Variants in TNFAIP8 observed in about 807,000 individuals in gnomAD.
TNFAIP8 encodes the protein tumor necrosis factor alpha-induced protein 8.
A neutral mutation model predicts 13.3 loss-of-function variants in TNFAIP8; 7 were observed. The ratio of observed to expected loss-of-function variants is 0.52; its 90% CI spans 0.30 to 0.99. The LOEUF (loss-of-function observed/expected upper bound fraction) is 0.99, where lower values mean the gene tolerates loss of function less well. Ranked by LOEUF, TNFAIP8 falls within the 50% of genes least tolerant of loss-of-function variation. The probability of loss-of-function intolerance (pLI) is 0.07; values close to 1 mark genes in which losing one functional copy is unlikely to be tolerated. For synonymous variants in TNFAIP8, 94 were observed against 87.6 expected (o/e 1.07, Z -0.41); for missense variants, 258 against 236.9 (o/e 1.09, Z -0.58).
At chr5:119,302,069 C>T (rs186422886) in intron 1 of TNFAIP8, among the ~76,000 whole-genome samples, 14 of 152,308 alleles carry the variant, frequency 9.2e-5, no homozygotes, top group Admixed American at 5.2e-4. Context: ...GTCCCCATCT[C>T]TTAGCAAATA....
At chr5:119,309,632 C>T (rs758169467) in intron 1 of TNFAIP8, among the ~76,000 whole-genome samples, 4 of 152,164 alleles carry the variant, frequency 2.6e-5, no homozygotes, top group Non-Finnish European at 4.4e-5. Context: ...ATCGAAGCAT[C>T]GGTGTTCAGA....
chr5:119,355,454 GCT>G (rs1751353317), upstream of TNFAIP8: 10 of 675,116 alleles, frequency 1.5e-5, no homozygotes, highest in South Asian at 9.2e-5. Context: ...GTGAAATTGT[GCT>G]CTCTTAAGCT....
At chr5:119,293,482 A>G (rs921258359) in intron 1 of TNFAIP8, among the ~76,000 whole-genome samples, 5 of 152,106 alleles carry the variant, frequency 3.3e-5, no homozygotes, top group Non-Finnish European at 7.4e-5. Flanking sequence ...CACTTAATAT[A>G]ATGTTCTCCA....
At chr5:119,300,488 C>T (rs1453895533) in intron 1 of TNFAIP8, among the ~76,000 whole-genome samples, 1 of 152,096 alleles carries the variant, frequency 6.6e-6, no homozygotes, top group East Asian at 1.9e-4. Context: ...TTTTGCATGT[C>T]CTTGCAACTT....
chr5:119,284,247 A>G (rs1163099628), intron 1 of TNFAIP8, among the ~76,000 whole-genome samples: 2 of 152,174 alleles, frequency 1.3e-5, no homozygotes, highest in Admixed American at 1.3e-4. Context: ...TGCAGGAACT[A>G]TGCCACCTAG....
At position 119,396,108 on chromosome 5, in the gene TNFAIP8, CAT is replaced by C. The variant is rs1314514498; in HGVS notation, c.*2728_*2729del. The C allele has an allele frequency of 6.6e-6, 1 of 152,200 alleles. No individual in the cohort carries two copies. The highest frequency in any genetic ancestry group is 1.5e-5 in the Non-Finnish European group (1 of 68,038). 9.4% of individuals were successfully genotyped at this position (152,200 alleles called of 1,614,324 possible). A position where few individuals can be genotyped will look rare whatever the true frequency, so the allele number is the denominator to read the frequency against. On this transcript the variant is annotated 3_prime_UTR_variant, in exon 2 of 2. Transcript: ENST00000504771. ...GAAGTTAAGGAATTTCCTGAGGTCA[CAT>C]GTGCTCGAGGTGTCCCAGCCGGAAT...
chr5:119,369,435 G>A (rs1042180527), intron 1 of TNFAIP8, among the ~76,000 whole-genome samples: 1 of 152,192 alleles, frequency 6.6e-6, no homozygotes, highest in Non-Finnish European at 1.5e-5. Flanking sequence ...TCTTGGACCT[G>A]AAAGTGGCTG....
Position 119,396,969 on chromosome 5 carries a change from G to C in TNFAIP8, c.*3588G>C, listed in dbSNP as rs569385999. 7.2e-6 allele frequency: 1 copy of C among 138,784 alleles called. No homozygotes were observed. Among genetic ancestry groups the C allele is most frequent in the Non-Finnish European group, 1.5e-5 (1 of 65,956 alleles). The allele number at this position is 138,784 out of a possible 1,614,324, so 8.6% of individuals were successfully genotyped here. A position where few individuals can be genotyped will look rare whatever the true frequency, so the allele number is the denominator to read the frequency against. Reference sequence around the variant, plus strand: ...AGATTGTACCACTGCACTGCAGCCTGGGCAACAAGAACGAAACCCCGTCTC... The same window carrying C: ...AGATTGTACCACTGCACTGCAGCCTCGGCAACAAGAACGAAACCCCGTCTC... On this transcript the variant is annotated 3_prime_UTR_variant, in exon 2 of 2. Coordinates refer to ENST00000504771, the MANE Select transcript of TNFAIP8 (RefSeq NM_014350.4).
chr5:119,365,977 T>A (rs1751837698), intron 1 of TNFAIP8, among the ~76,000 whole-genome samples: 1 of 151,990 alleles, frequency 6.6e-6, no homozygotes, highest in Non-Finnish European at 1.5e-5. Flanking sequence ...TTTGGCAGAT[T>A]TCACAGTTCT....
At chr5:119,361,503 C>CG (rs1751633845) in intron 1 of TNFAIP8, among the ~76,000 whole-genome samples, 1 of 152,102 alleles carries the variant, frequency 6.6e-6, no homozygotes, top group African/African-American at 2.4e-5. Context: ...CATTCTCCAG[C>CG]TTTGTAGTGA....
At chr5:119,377,542 G>A (rs1299435125) in intron 1 of TNFAIP8, among the ~76,000 whole-genome samples, 2 of 151,990 alleles carry the variant, frequency 1.3e-5, no homozygotes, top group African/African-American at 4.8e-5. Flanking sequence ...TTTTCTCCTG[G>A]GATCATTGTA....
chr5:119,359,874 C>T (rs1268030289), intron 1 of TNFAIP8, among the ~76,000 whole-genome samples: 1 of 152,206 alleles, frequency 6.6e-6, no homozygotes, highest in Non-Finnish European at 1.5e-5. Context: ...AGCATATGCT[C>T]TTAAACACCG....
At chr5:119,374,881 T>A (rs1752223377) in intron 1 of TNFAIP8, among the ~76,000 whole-genome samples, 1 of 152,156 alleles carries the variant, frequency 6.6e-6, no homozygotes, top group Admixed American at 6.5e-5. Flanking sequence ...TTTTTTTAAA[T>A]ACTAATTACA....
chr5:119,320,974 C>T (rs979821090), intron 1 of TNFAIP8, among the ~76,000 whole-genome samples: 4 of 152,166 alleles, frequency 2.6e-5, no homozygotes, highest in Non-Finnish European at 5.9e-5. Flanking sequence ...CCCAACACTC[C>T]GGGAGGCCGA....
intron 1 of TNFAIP8, among the ~76,000 whole-genome samples, chr5:119,319,361 A>G (rs1749987624): frequency 2.0e-5 from 3 of 152,380 alleles, no homozygotes; most frequent in South Asian, 4.1e-4. Flanking sequence ...GTATTCCAAC[A>G]TGAGGTTTCG....
At chr5:119,372,482 A>T (rs1752118394) in intron 1 of TNFAIP8, among the ~76,000 whole-genome samples, 1 of 152,218 alleles carries the variant, frequency 6.6e-6, no homozygotes, top group East Asian at 1.9e-4. Flanking sequence ...TTTTCCAAGA[A>T]CAAAGATATG....
chr5:119,393,199 C>T lies in TNFAIP8; in HGVS notation c.415C>T (p.Leu139=), dbSNP rs1264712416. The T allele has an allele frequency of 1.2e-6, 2 of 1,614,006 alleles. No individual in the cohort carries two copies. Among genetic ancestry groups the T allele is most frequent in the East Asian group, 2.2e-5 (1 of 44,884 alleles). The change falls in exon 2 of 2, where the codon CTG becomes TTG. Residue 139 remains leucine, a synonymous_variant. Coordinates refer to ENST00000504771, the MANE Select transcript of TNFAIP8 (RefSeq NM_014350.4). ...GCTGTTAAATGAATGCAGAGAGATG[C>T]TGCACCAAATCATTCAGCGCCACCT... The part of the protein sequence containing the change: ...SRLLNECREM[L]HQIIQRHLTA...
intron 1 of TNFAIP8, among the ~76,000 whole-genome samples, chr5:119,297,778 A>G (rs1026755849): frequency 3.9e-5 from 6 of 152,174 alleles, no homozygotes; most frequent in African/African-American, 1.4e-4. Flanking sequence ...TGCTTTATGA[A>G]TGTGGGTGCT....
At chr5:119,366,855 T>C (rs1751875475) in intron 1 of TNFAIP8, among the ~76,000 whole-genome samples, 1 of 152,178 alleles carries the variant, frequency 6.6e-6, no homozygotes, top group African/African-American at 2.4e-5. Flanking sequence ...CCTAGAAGTA[T>C]AGGGGTGATT....
Sources: allele counts gnomAD v4.1 joint callset (sites outside exome capture counted in the v4.1 genomes callset), GRCh38; gene constraint gnomAD v4.1.1; transcripts MANE v1.5; gene names NCBI Gene and HGNC (gene_info 2026-07-23, HGNC 2026-07-21).